CALN1: variants seen among roughly 807,000 people sequenced by gnomAD.
CALN1 encodes the protein calcium-binding protein 8.
A neutral mutation model predicts 30.6 loss-of-function variants in CALN1; 17 were observed. The observed-to-expected ratio is 0.56, with a 90% CI of 0.38 to 0.83. The LOEUF (loss-of-function observed/expected upper bound fraction) is 0.83, where lower values mean the gene tolerates loss of function less well. Among genes scored for constraint, CALN1 ranks in the 40% least tolerant of loss-of-function variants. The pLI, the probability that CALN1 is intolerant of heterozygous loss-of-function variation, is 0.00. For missense variants in CALN1, 291 were observed against 354.9 expected (o/e 0.82, Z 1.45); for synonymous variants, 156 against 131.4 (o/e 1.19, Z -1.28).
At chr7:72,076,611 C>CAAA (rs572245834) in intron 4 of CALN1, among the ~76,000 whole-genome samples, 3 of 6,126 alleles carry the variant, frequency 4.9e-4, no homozygotes, top group Non-Finnish European at 6.4e-4. Flanking sequence ...AAAAAAAAAG[C>CAAA]AAAAAAAAAA....
rs187752923 is a variant in CALN1 at position 72,381,011 on chromosome 7, C to T, written c.119+22240G>A. 8.5e-5 allele frequency among the ~76,000 whole-genome samples: 13 copies of T among 152,188 alleles called. No homozygotes were observed. The East Asian group carries it at 2.3e-3, about 27-fold the overall frequency. On this transcript the variant is annotated intron_variant, in intron 2 of 6. Transcript: ENST00000395275. ...AATAAGGAGAGAGGAATGAAACATC[C>T]AGCAGCTGAATAAAAATGTACAACA...
intron 5 of CALN1, among the ~76,000 whole-genome samples, chr7:71,842,004 GAA>G (rs796613388): frequency 7.5e-6 from 1 of 133,962 alleles, no homozygotes; most frequent in African/African-American, 2.7e-5. Context: ...ATCTAAAAAA[GAA>G]AAAAAAAAAA....
At chr7:72,302,139 T>C (rs773708985) in intron 2 of CALN1, among the ~76,000 whole-genome samples, 3 of 151,766 alleles carry the variant, frequency 2.0e-5, no homozygotes, top group African/African-American at 7.3e-5. Flanking sequence ...TTACTGCAGA[T>C]GCGTTTCAGA....
At chr7:72,148,908 AAAAAAAAG>A (rs1563099369) in intron 3 of CALN1, among the ~76,000 whole-genome samples, 1 of 146,630 alleles carries the variant, frequency 6.8e-6, no homozygotes. Flanking sequence ...CACCAAAAAC[AAAAAAAAG>A]AAAGAAAGAA....
At position 72,015,433 on chromosome 7, in the gene CALN1, C is replaced by CT. The variant is rs60001547; in HGVS notation, c.501+8223dup. On this transcript the variant is annotated intron_variant, in intron 5 of 6. Transcript: ENST00000395275. ...CCCAGGAGTTTGCATTTCTTTCTTT[C>CT]TTTTTTTTTTTTTTTCTCTTTTTGA... Among the ~76,000 whole-genome samples, 1,340 of 136,098 alleles carry CT rather than the reference C, an allele frequency of 9.8e-3. 7 individuals are homozygous for CT. The highest frequency in any genetic ancestry group is 0.03 in the Middle Eastern group (8 of 270). The allele number at this position is 136,098 out of a possible 152,430, so 89.3% of individuals were successfully genotyped here.
intron 1 of CALN1, among the ~76,000 whole-genome samples, chr7:72,407,295 A>C (rs1160650560): frequency 6.6e-6 from 1 of 152,216 alleles, no homozygotes; most frequent in African/African-American, 2.4e-5. Flanking sequence ...AAGTTATTGT[A>C]AAGTGTTAGG....
At chr7:72,443,179 C>T (rs776605894) in intron 1 of CALN1, among the ~76,000 whole-genome samples, 40 of 152,216 alleles carry the variant, frequency 2.6e-4, no homozygotes, top group Non-Finnish European at 4.6e-4. Flanking sequence ...CACCATCTGA[C>T]GTGCTATGTA....
chr7:72,400,292 G>A (rs897658256), intron 2 of CALN1, among the ~76,000 whole-genome samples: 1 of 152,092 alleles, frequency 6.6e-6, no homozygotes, highest in Admixed American at 6.5e-5. Flanking sequence ...ACAGCAATGA[G>A]CTTGTTTCCC....
intron 3 of CALN1, among the ~76,000 whole-genome samples, chr7:72,196,473 C>T (rs1014334270): frequency 3.4e-5 from 5 of 147,300 alleles, no homozygotes; most frequent in Admixed American, 1.4e-4. Flanking sequence ...CCCTGATGGA[C>T]ACACAGCTAC....
chr7:72,420,274 G>A (rs1395847654), intron 1 of CALN1, among the ~76,000 whole-genome samples: 2 of 152,064 alleles, frequency 1.3e-5, no homozygotes, highest in Admixed American at 6.5e-5. Context: ...ATTGAGGCAC[G>A]ATCTAAAGTG....
At chr7:72,212,009 T>C (rs1003499175) in intron 3 of CALN1, among the ~76,000 whole-genome samples, 1 of 152,150 alleles carries the variant, frequency 6.6e-6, no homozygotes, top group Non-Finnish European at 1.5e-5. Context: ...TTATGGCTCC[T>C]AGATATCTGA....
At chr7:72,365,445 T>C (rs1443074589) in intron 2 of CALN1, among the ~76,000 whole-genome samples, 2 of 152,150 alleles carry the variant, frequency 1.3e-5, no homozygotes, top group Non-Finnish European at 2.9e-5. Context: ...ATACGTTTTC[T>C]AAAAAATGTT....
rs1289073470 is a variant in CALN1 at position 72,101,883 on chromosome 7, G to C, written c.388+4268C>G. Among the ~76,000 whole-genome samples the C allele has an allele frequency of 2.6e-5, 4 of 152,162 alleles. No individual in the cohort carries two copies. In the East Asian group the frequency reaches 7.7e-4, roughly 29 times the overall value. Reference sequence around the variant, plus strand: ...GCCTAGAATTAAGCTGCTTTTCAGAGGGAAAGGGTATGTGTTAACAAAACA... The same window carrying C: ...GCCTAGAATTAAGCTGCTTTTCAGACGGAAAGGGTATGTGTTAACAAAACA... On this transcript the variant is annotated intron_variant, in intron 4 of 6. Coordinates refer to ENST00000395275, the MANE Select transcript of CALN1 (RefSeq NM_031468.4).
In CALN1 at chr7:71,945,940, C is replaced by A. The variant is rs1217693990; in HGVS notation, c.501+77717G>T. Among the ~76,000 whole-genome samples the A allele has an allele frequency of 3.9e-5, 6 of 152,322 alleles. No individual in the cohort carries two copies. In the East Asian group the frequency reaches 5.8e-4, roughly 15 times the overall value. On this transcript the variant is annotated intron_variant, in intron 5 of 6. Transcript: ENST00000395275. ...GTGCCAAAAAGGTTGGGGACCGCTG[C>A]TCCAGAGTTCAGAGAAGTTAGGGCA...
At chr7:72,155,811 G>C (rs1223177353) in intron 3 of CALN1, among the ~76,000 whole-genome samples, 1 of 152,112 alleles carries the variant, frequency 6.6e-6, no homozygotes, top group Non-Finnish European at 1.5e-5. Context: ...AAAGCAAGGT[G>C]GTAGCTGGGA....
At chr7:72,194,515 G>GT (rs1790845221) in intron 3 of CALN1, among the ~76,000 whole-genome samples, 3 of 151,470 alleles carry the variant, frequency 2.0e-5, no homozygotes, top group Admixed American at 1.3e-4. Flanking sequence ...GGGCGACAGA[G>GT]TAAGACCCTG....
At chr7:71,796,016 G>A (rs1325421897) in intron 6 of CALN1, among the ~76,000 whole-genome samples, 1 of 150,872 alleles carries the variant, frequency 6.6e-6, no homozygotes, top group Non-Finnish European at 1.5e-5. Context: ...TAGCAGAGAT[G>A]AGATTTCACT....
intron 2 of CALN1, among the ~76,000 whole-genome samples, chr7:72,330,112 G>A (rs954905868): frequency 1.3e-5 from 2 of 151,986 alleles, no homozygotes. Context: ...GGCCAACATG[G>A]TGAAACCCCG....
the CALN1 span, among the ~76,000 whole-genome samples, chr7:72,490,506 A>G: frequency 1.6e-3 from 238 of 152,160 alleles, 7 homozygotes; most frequent in East Asian, 0.042. Flanking sequence ...AATAGCACCT[A>G]CCTCAAAGTG....
Sources: gnomAD v4.1 joint callset for allele counts (sites outside exome capture counted in the v4.1 genomes callset) on GRCh38, gnomAD v4.1.1 for gene constraint, MANE v1.5 for transcripts, NCBI Gene and HGNC (gene_info 2026-07-23, HGNC 2026-07-21) for gene names.